ATP11A: variants seen among roughly 807,000 people sequenced by gnomAD.
ATP11A encodes the protein ATPase phospholipid transporting 11A, also known as phospholipid-transporting ATPase IH.
Under a neutral mutation model 154.4 loss-of-function variants are expected in ATP11A, and 81 were observed. The ratio of observed to expected loss-of-function variants is 0.52; its 90% CI spans 0.44 to 0.63. The LOEUF is 0.63. Among genes scored for constraint, ATP11A ranks in the 30% least tolerant of loss-of-function variants. ATP11A has a pLI of 0.00. For synonymous variants in ATP11A, 623 were observed against 585.9 expected (o/e 1.06, Z -0.91); for missense variants, 1,316 against 1,474.3 (o/e 0.89, Z 1.76).
At chr13:112,849,828 A>G (rs1054043447) in intron 17 of ATP11A, among the ~76,000 whole-genome samples, 1 of 152,232 alleles carries the variant, frequency 6.6e-6, no homozygotes, top group Non-Finnish European at 1.5e-5. Flanking sequence ...TGTGCTCAGC[A>G]GGAGGTGAGG....
chr13:112,775,188 C>T (rs545032268), intron 1 of ATP11A, among the ~76,000 whole-genome samples: 2 of 152,352 alleles, frequency 1.3e-5, no homozygotes, highest in South Asian at 4.1e-4. Context: ...GTGAAGTGCC[C>T]GTGGGCTGGC....
At chr13:112,767,473 T>G (rs1229563426) in intron 1 of ATP11A, among the ~76,000 whole-genome samples, 1 of 85,836 alleles carries the variant, frequency 1.2e-5, no homozygotes, top group South Asian at 5.0e-4. Flanking sequence ...GGTGTGGGAG[T>G]GCTGGGAGCC....
chr13:112,827,272 C>T (rs2078957807), intron 12 of ATP11A, among the ~76,000 whole-genome samples: 1 of 152,236 alleles, frequency 6.6e-6, no homozygotes, highest in African/African-American at 2.4e-5. Flanking sequence ...ACCAGATTTT[C>T]AGTGACTTGG....
intron 1 of ATP11A, among the ~76,000 whole-genome samples, chr13:112,740,154 A>ATATATATATC (rs1555311744): frequency 7.2e-6 from 1 of 139,600 alleles, no homozygotes; most frequent in African/African-American, 2.8e-5. Flanking sequence ...CTCTCTATAT[A>ATATATATATC]TATATATATA....
At chr13:112,739,192 A>G (rs1671851557) in intron 1 of ATP11A, among the ~76,000 whole-genome samples, 1 of 152,226 alleles carries the variant, frequency 6.6e-6, no homozygotes, top group Admixed American at 6.5e-5. Flanking sequence ...GAAAATCCAC[A>G]GAATGGGAGA....
intron 1 of ATP11A, among the ~76,000 whole-genome samples, chr13:112,766,665 C>G (rs539243772): frequency 5.9e-5 from 9 of 152,222 alleles, no homozygotes; most frequent in Admixed American, 5.2e-4. Flanking sequence ...TGCCCACCCC[C>G]CAGGATGGGG....
At chr13:112,766,785 G>T (rs2077087448) in intron 1 of ATP11A, among the ~76,000 whole-genome samples, 1 of 146,668 alleles carries the variant, frequency 6.8e-6, no homozygotes, top group African/African-American at 2.6e-5. Flanking sequence ...ATTCCTGTGA[G>T]GAGGATGTGG....
Position 112,690,112 on chromosome 13 carries a change from G to A in ATP11A, c.-305G>A, listed in dbSNP as rs1478230284. Among the ~76,000 whole-genome samples, 1 of 148,480 alleles carries A rather than the reference G, an allele frequency of 6.7e-6. No homozygotes were observed. The highest frequency in any genetic ancestry group is 6.7e-5 in the Admixed American group (1 of 14,968). ...GCTCCGCCGCGGCCGGGGTGCTCCAGCCGAGCCCAACCGAGCGGGCGGACC... is the reference window on the plus strand; with the variant it reads ...GCTCCGCCGCGGCCGGGGTGCTCCAACCGAGCCCAACCGAGCGGGCGGACC... On this transcript the variant is annotated 5_prime_UTR_variant, in exon 1 of 30. Transcript: ENST00000375645. This position sits in a 1 kb window ranked among gnomAD's most constrained non-coding sequence, Gnocchi z 5.6.
At chr13:112,756,174 C>T (rs79907920) in intron 1 of ATP11A, among the ~76,000 whole-genome samples, 1,976 of 151,794 alleles carry the variant, frequency 0.013, 17 homozygotes, top group Non-Finnish European at 0.023. Flanking sequence ...CATTAAACTA[C>T]AAAGCCAAAA....
At chr13:112,728,422 T>C (rs1325767601) in intron 1 of ATP11A, among the ~76,000 whole-genome samples, 4 of 150,744 alleles carry the variant, frequency 2.7e-5, no homozygotes, top group Non-Finnish European at 5.9e-5. Context: ...GTTACCTGTA[T>C]GTACCACGTT....
chr13:112,802,531 G>C (rs2078165607), intron 2 of ATP11A, among the ~76,000 whole-genome samples: 4 of 121,158 alleles, frequency 3.3e-5, no homozygotes, highest in Admixed American at 2.8e-4. Flanking sequence ...TCAACAAATA[G>C]TGCTAGAAAA....
At position 112,819,413 on chromosome 13, in the gene ATP11A, C is replaced by T. The variant is rs749013010; in HGVS notation, c.674+6C>T. The T allele has an allele frequency of 7.4e-6, 12 of 1,613,928 alleles. No homozygotes were observed. The highest frequency in any genetic ancestry group is 1.7e-4 in the Middle Eastern group (1 of 6,060). On this transcript the variant is annotated splice_donor_region_variant and intron_variant, in intron 7 of 29. Coordinates refer to ENST00000375645, the MANE Select transcript of ATP11A (RefSeq NM_015205.3). ...CCCCAGCCCGACCTCTACAAGTAAGCGGGAGCTTTGGGTTCTTTAGAAACG... is the reference window on the plus strand; with the variant it reads ...CCCCAGCCCGACCTCTACAAGTAAGTGGGAGCTTTGGGTTCTTTAGAAACG...
At chr13:112,835,484 C>T (rs766091724) in intron 15 of ATP11A, among the ~76,000 whole-genome samples, 12 of 152,232 alleles carry the variant, frequency 7.9e-5, no homozygotes, top group Non-Finnish European at 1.6e-4. Flanking sequence ...CTGGGCTTCC[C>T]GGGGGCCGCA....
At chr13:112,742,380 C>T (rs1230552321) in intron 1 of ATP11A, among the ~76,000 whole-genome samples, 4 of 151,900 alleles carry the variant, frequency 2.6e-5, no homozygotes, top group African/African-American at 7.3e-5. Context: ...TGTGGTCCCA[C>T]GGAGGAGCCC....
rs1014195667 is a variant in ATP11A at position 112,696,100 on chromosome 13, C to T, written c.39+5645C>T. ...CTTGGCAAGTTGGTTGCCCCCTGTA[C>T]GCTTGGTGCCCCATCTGCAAGGTGG... On this transcript the variant is annotated intron_variant, in intron 1 of 29. Coordinates refer to ENST00000375645, the MANE Select transcript of ATP11A (RefSeq NM_015205.3). The surrounding 1 kb of genome is among the most constrained non-coding windows in gnomAD (Gnocchi z 6.2). Among the ~76,000 whole-genome samples, 7 of 152,342 alleles carry T rather than the reference C, an allele frequency of 4.6e-5. No individual in the cohort carries two copies. Among genetic ancestry groups the T allele is most frequent in the African/African-American group, 1.4e-4 (6 of 41,588 alleles).
chr13:112,836,380 T>G (rs757072125), intron 16 of ATP11A, 129 bp downstream of exon 16: 3 of 551,026 alleles, frequency 5.4e-6, no homozygotes, highest in Non-Finnish European at 9.3e-6. Flanking sequence ...TTAAAAACTA[T>G]AGACAAATCC....
In ATP11A at chr13:112,858,349, C is replaced by G. The variant is rs779716255; in HGVS notation, c.2667+59C>G. ...GCAACAGGTCACGCACAGGGTGGCA[C>G]GACCCTTGTCTGAGCCACTTGATGC... On this transcript the variant is annotated intron_variant, in intron 22 of 29. Coordinates refer to ENST00000375645, the MANE Select transcript of ATP11A (RefSeq NM_015205.3). The G allele has an allele frequency of 3.9e-6, 6 of 1,531,412 alleles. No individual in the cohort carries two copies. In the African/African-American group the frequency reaches 8.3e-5, roughly 21 times the overall value. The allele number at this position is 1,531,412 out of a possible 1,614,324, so 94.9% of individuals were successfully genotyped here.
At chr13:112,731,906 G>A (rs1052898338) in intron 1 of ATP11A, among the ~76,000 whole-genome samples, 24 of 141,278 alleles carry the variant, frequency 1.7e-4, no homozygotes, top group Admixed American at 1.1e-3. Context: ...AGTGTGTGGG[G>A]TAAACCTACT....
chr13:112,868,372 C>T (rs890801786), intron 25 of ATP11A, among the ~76,000 whole-genome samples: 1 of 152,126 alleles, frequency 6.6e-6, no homozygotes, highest in Admixed American at 6.5e-5. Flanking sequence ...GGTCTGAGGA[C>T]TTTTTGAGCA....
Sources: gnomAD v4.1 joint callset for allele counts (sites outside exome capture counted in the v4.1 genomes callset) on GRCh38, gnomAD v4.1.1 for gene constraint, Gnocchi (gnomAD v3.1) non-coding constraint, MANE v1.5 for transcripts, NCBI Gene and HGNC (gene_info 2026-07-23, HGNC 2026-07-21) for gene names.